The following CDC42BPB variants were observed in gnomAD, a reference collection of about 807,000 sequenced individuals.
CDC42BPB encodes CDC42 binding protein kinase beta.
A neutral mutation model predicts 214.9 loss-of-function variants in CDC42BPB; 37 were observed. That is an observed-to-expected ratio of 0.17 (90% CI 0.13 to 0.23). The LOEUF (loss-of-function observed/expected upper bound fraction) is 0.23. Among genes scored for constraint, CDC42BPB ranks in the 10% least tolerant of loss-of-function variants. CDC42BPB has a pLI of 1.00. For missense variants in CDC42BPB, 1,694 were observed against 2,227.0 expected (o/e 0.76, Z 4.82); for synonymous variants, 931 against 884.0 (o/e 1.05, Z -0.94).
At chr14:103,026,620 T>C (rs1887068133) in intron 1 of CDC42BPB, among the ~76,000 whole-genome samples, 1 of 151,922 alleles carries the variant, frequency 6.6e-6, no homozygotes, top group Admixed American at 6.6e-5. Flanking sequence ...TCCCAGCACT[T>C]TGGGAGGCTG....
chr14:102,952,379 T>G, intron 24 of CDC42BPB, 119 bp downstream of exon 24: 1 of 637,732 alleles, frequency 1.6e-6, no homozygotes, highest in Non-Finnish European at 2.8e-6. Flanking sequence ...ATCATGCCAA[T>G]GACATTTCAC....
At chr14:102,968,214 CCA>C in intron 16 of CDC42BPB, 37 bp downstream of exon 16, 1 of 1,470,070 alleles carries the variant, frequency 6.8e-7, no homozygotes, top group Non-Finnish European at 9.5e-7. Context: ...ATTACAACTT[CCA>C]CACAAAGTGC....
intron 18 of CDC42BPB, 152 bp from the exon 19 acceptor site, chr14:102,964,802 G>T: frequency 7.7e-7 from 1 of 1,290,626 alleles, no homozygotes; most frequent in South Asian, 2.7e-5. Flanking sequence ...AGGAGTTTTA[G>T]TTTTGATATT....
In CDC42BPB at chr14:102,963,045, C is replaced by T; in HGVS notation, c.2821+16G>A. The T allele has an allele frequency of 8.9e-7, 1 of 1,127,226 alleles. No individual in the cohort carries two copies. The highest frequency in any genetic ancestry group is 1.3e-6 in the Non-Finnish European group (1 of 746,854). 69.8% of individuals were successfully genotyped at this position (1,127,226 alleles called of 1,614,324 possible). On this transcript the variant is annotated intron_variant, in intron 20 of 36. Coordinates refer to ENST00000361246, the MANE Select transcript of CDC42BPB (RefSeq NM_006035.4). The stretch of plus-strand genomic sequence containing the variant: ...CTTATATTCAAATAATGCAGAATCG[C>T]ACAACATTAATTTACCAGTATCTGC...
Position 102,971,990 on chromosome 14 carries a change from T to A in CDC42BPB, c.1813A>T (p.Met605Leu). ...SRQLRDKEEE[M>L]EVATQKVDAM... Reference sequence around the variant, plus strand: ...TCCACCTTCTGCGTGGCCACCTCCATCTCCTCCTCCTTGTCTCGCAGCTGC... The same window carrying A: ...TCCACCTTCTGCGTGGCCACCTCCAACTCCTCCTCCTTGTCTCGCAGCTGC... The change falls in exon 13 of 37, where the codon ATG (methionine) becomes TTG (leucine). Residue 605 changes from methionine (M) to leucine (L), a missense_variant. Physicochemically the swap from Met to Leu is conservative, Grantham distance 15. Around this residue, in one of 7 missense-constraint regions of CDC42BPB, gnomAD observed 462 missense variants for 513.5 expected, o/e 0.90. Coordinates refer to ENST00000361246, the MANE Select transcript of CDC42BPB (RefSeq NM_006035.4). 6.2e-7 allele frequency: 1 copy of A among 1,614,226 alleles called. No homozygotes were observed. The highest frequency in any genetic ancestry group is 8.5e-7 in the Non-Finnish European group (1 of 1,180,044).
At chr14:102,996,208 T>C (rs946560720) in intron 5 of CDC42BPB, among the ~76,000 whole-genome samples, 3 of 151,852 alleles carry the variant, frequency 2.0e-5, no homozygotes, top group Admixed American at 6.6e-5. Flanking sequence ...GGCGTGGTGG[T>C]GGGCACCTGT....
intron 1 of CDC42BPB, among the ~76,000 whole-genome samples, chr14:103,051,853 T>C (rs1888626671): frequency 1.6e-5 from 2 of 128,964 alleles, no homozygotes; most frequent in Non-Finnish European, 3.1e-5. Flanking sequence ...AGGTTTTTTG[T>C]TTTTTTTTTG....
rs531585585 is a variant in CDC42BPB at position 102,952,732 on chromosome 14, T to C, written c.3067-129A>G. 35 of 1,471,304 alleles carry C rather than the reference T, an allele frequency of 2.4e-5. No individual in the cohort carries two copies. The African/African-American group carries it at 4.4e-4, about 19-fold the overall frequency. 91.1% of individuals were successfully genotyped at this position (1,471,304 alleles called of 1,614,324 possible). A position where few individuals can be genotyped will look rare whatever the true frequency, so the allele number is the denominator to read the frequency against. On this transcript the variant is annotated intron_variant, in intron 23 of 36. Coordinates refer to ENST00000361246, the MANE Select transcript of CDC42BPB (RefSeq NM_006035.4). ...AAAGGTGGAAATGTGCAAGTTCTGG[T>C]CTTGGTCTACGTGTTCCCTAACAGG...
chr14:102,941,569 C>T lies in CDC42BPB; in HGVS notation c.4409-1245G>A, dbSNP rs181458746. The T allele has an allele frequency of 5.2e-4, 516 of 985,450 alleles. 4 individuals carry two copies. The African/African-American group carries it at 7.8e-3, about 15-fold the overall frequency. 61.0% of individuals were successfully genotyped at this position (985,450 alleles called of 1,614,324 possible). A position where few individuals can be genotyped will look rare whatever the true frequency, so the allele number is the denominator to read the frequency against. ...TTCAGGGAACCACTCTCCACACGGG[C>T]TTCTGGGAAGGCCCTTGCCTGCCGA... On this transcript the variant is annotated intron_variant, in intron 30 of 36. Coordinates refer to ENST00000361246, the MANE Select transcript of CDC42BPB (RefSeq NM_006035.4).
intron 14 of CDC42BPB, among the ~76,000 whole-genome samples, chr14:102,969,846 G>C (rs17101116): frequency 0.07 from 10,716 of 152,342 alleles, 505 homozygotes; most frequent in African/African-American, 0.13. Context: ...ATGTGAAGAA[G>C]GCTATGAATT....
intron 34 of CDC42BPB, among the ~76,000 whole-genome samples, chr14:102,939,101 T>C (rs1414468817): frequency 6.6e-6 from 1 of 152,038 alleles, no homozygotes; most frequent in Non-Finnish European, 1.5e-5. Flanking sequence ...CACACCCAGC[T>C]AATTTCTTTT....
chr14:102,947,894 C>T (rs1351876876), intron 26 of CDC42BPB, 92 bp from the exon 27 acceptor site: 19 of 1,596,550 alleles, frequency 1.2e-5, no homozygotes, highest in Non-Finnish European at 1.6e-5. Context: ...CTGCCATGTC[C>T]TTCCACCACC....
chr14:102,974,166 A>ATAAACTC lies in CDC42BPB; in HGVS notation c.1508-24_1508-18dup. ...TGTTTGAATCTGGACAAAAGAGGAAATAAACTCTGTTCCTTTATGTGCAAT... is the reference window on the plus strand; with the variant it reads ...TGTTTGAATCTGGACAAAAGAGGAAATAAACTCTAAACTCTGTTCCTTTATGTGCAAT... On this transcript the variant is annotated splice_polypyrimidine_tract_variant and intron_variant, in intron 11 of 36. Coordinates refer to ENST00000361246, the MANE Select transcript of CDC42BPB (RefSeq NM_006035.4). 1 of 1,612,386 alleles carries ATAAACTC rather than the reference A, an allele frequency of 6.2e-7. No individual in the cohort carries two copies. The highest frequency in any genetic ancestry group is 8.5e-7 in the Non-Finnish European group (1 of 1,179,590).
At chr14:103,032,933 T>TTA (rs1555396380) in intron 1 of CDC42BPB, among the ~76,000 whole-genome samples, 12 of 141,342 alleles carry the variant, frequency 8.5e-5, no homozygotes, top group African/African-American at 3.1e-4. Flanking sequence ...CCACTTTTTT[T>TTA]AAAAAAAAAA....
At chr14:102,934,737 T>C (rs114985167) in intron 36 of CDC42BPB, among the ~76,000 whole-genome samples, 3,491 of 150,328 alleles carry the variant, frequency 0.023, 108 homozygotes, top group African/African-American at 0.071. Flanking sequence ...ACGGGCCGGG[T>C]GCGGTGGCTC....
At chr14:102,961,377 C>G (rs1264882468) in intron 20 of CDC42BPB, among the ~76,000 whole-genome samples, 1 of 151,942 alleles carries the variant, frequency 6.6e-6, no homozygotes, top group African/African-American at 2.4e-5. Context: ...CTCTGTCACC[C>G]AGGCTGGAGT....
At chr14:102,941,380 C>T in intron 30 of CDC42BPB, 2 of 985,454 alleles carry the variant, frequency 2.0e-6, no homozygotes, top group Non-Finnish European at 2.4e-6. Context: ...AAACAGGCTA[C>T]AAGATCAGGA....
At chr14:102,994,715 C>T (rs1894649127) in intron 5 of CDC42BPB, among the ~76,000 whole-genome samples, 1 of 152,232 alleles carries the variant, frequency 6.6e-6, no homozygotes, top group South Asian at 2.1e-4. Flanking sequence ...GGTGAAAGAG[C>T]CATGGTGAAT....
chr14:103,016,374 C>T (rs1047952487), intron 1 of CDC42BPB, among the ~76,000 whole-genome samples: 1 of 152,244 alleles, frequency 6.6e-6, no homozygotes, highest in Non-Finnish European at 1.5e-5. Context: ...CCCTCCAGCA[C>T]CTGCTTCAGG....
Sources: gnomAD v4.1 joint callset for allele counts (sites outside exome capture counted in the v4.1 genomes callset) on GRCh38, gnomAD v4.1.1 for gene constraint, gnomAD v4.1.1 regional missense constraint, MANE v1.5 for transcripts, NCBI Gene and HGNC (gene_info 2026-07-23, HGNC 2026-07-21) for gene names.